Variants in KCNH3 observed in about 807,000 individuals in gnomAD.
KCNH3 encodes the protein potassium voltage-gated channel subfamily H member 3, also known as voltage-gated inwardly rectifying potassium channel KCNH3.
Under a neutral mutation model 95.6 loss-of-function variants are expected in KCNH3, and 36 were observed. The ratio of observed to expected loss-of-function variants is 0.38; its 90% CI spans 0.29 to 0.50. The LOEUF (loss-of-function observed/expected upper bound fraction) is 0.50, where lower values mean the gene tolerates loss of function less well. KCNH3 is among the 20% of genes least tolerant of loss of function. The pLI is 0.95. For missense variants in KCNH3, 1,030 were observed against 1,484.1 expected (o/e 0.69, Z 5.03); for synonymous variants, 620 against 646.3 (o/e 0.96, Z 0.62).
rs189953204 is a variant in KCNH3 at position 49,544,922 on chromosome 12, T to A, written c.1189+540T>A. On this transcript the variant is annotated intron_variant, in intron 7 of 14. Coordinates refer to ENST00000257981, the MANE Select transcript of KCNH3 (RefSeq NM_012284.3). The stretch of plus-strand genomic sequence containing the variant: ...CTTCACTCTCCTTCATGTCACCTCC[T>A]CTCCTTCCACAGCTCCTCTCTGCTC... 1.4e-3 allele frequency among the ~76,000 whole-genome samples: 218 copies of A among 152,110 alleles called. 1 individual carries two copies. Among genetic ancestry groups the A allele is most frequent in the Non-Finnish European group, 2.6e-3 (178 of 67,974 alleles).
intron 3 of KCNH3, among the ~76,000 whole-genome samples, chr12:49,542,080 G>A (rs1565773876): frequency 6.6e-6 from 1 of 152,222 alleles, no homozygotes; most frequent in African/African-American, 2.4e-5. Context: ...GACCCACCAG[G>A]TTCCTCTTTC....
chr12:49,557,158 G>C (rs1337639838), intron 13 of KCNH3, 25 bp from the exon 14 acceptor site: 1 of 1,613,394 alleles, frequency 6.2e-7, no homozygotes, highest in Non-Finnish European at 8.5e-7. Flanking sequence ...AGCCCCAGCT[G>C]ATAACCCCAT....
intron 7 of KCNH3, among the ~76,000 whole-genome samples, chr12:49,544,958 C>G (rs1167294836): frequency 6.6e-6 from 1 of 152,190 alleles, no homozygotes; most frequent in African/African-American, 2.4e-5. Flanking sequence ...ACCACCCACT[C>G]ACATCTTAAC....
chr12:49,539,444 C>T lies in KCNH3; in HGVS notation c.28C>T (p.Pro10Ser), dbSNP rs902832863. 1 of 1,572,344 alleles carries T rather than the reference C, an allele frequency of 6.4e-7. No homozygotes were observed. The highest frequency in any genetic ancestry group is 2.6e-5 in the East Asian group (1 of 38,950). The change falls in exon 1 of 15, where the codon CCG (proline) becomes TCG (serine). Residue 10 changes from proline to serine, a missense_variant. Around this residue, in one of 9 missense-constraint regions of KCNH3, gnomAD observed 26 missense variants for 35.1 expected, o/e 0.74. Coordinates refer to ENST00000257981, the MANE Select transcript of KCNH3 (RefSeq NM_012284.3). This position sits in a 1 kb window ranked among gnomAD's most constrained non-coding sequence, Gnocchi z 6.7. MPAMRGLLA[P>S]QNTFLDTIAT... Reference sequence around the variant, plus strand: ...GCCGGCCATGCGGGGCCTCCTGGCGCCGCAGAACACCTTCCTGGACACCAT... The same window carrying T: ...GCCGGCCATGCGGGGCCTCCTGGCGTCGCAGAACACCTTCCTGGACACCAT...
chr12:49,555,918 T>C lies in KCNH3; in HGVS notation c.2435T>C (p.Met812Thr). The C allele has an allele frequency of 6.3e-7, 1 of 1,575,398 alleles. No individual in the cohort carries two copies. Among genetic ancestry groups the C allele is most frequent in the African/African-American group, 1.3e-5 (1 of 74,404 alleles). ...CTAGAGGGGCTACGGCTGCCCCCCATGCCATGGAATGTGCCCCCAGATCTG... is the reference window on the plus strand; with the variant it reads ...CTAGAGGGGCTACGGCTGCCCCCCACGCCATGGAATGTGCCCCCAGATCTG... The part of the protein sequence containing the change: ...RALEGLRLPP[M>T]PWNVPPDLSP... The change falls in exon 12 of 15, where the codon ATG becomes ACG. Residue 812 changes from methionine to threonine, a missense_variant. This residue lies in a region of KCNH3 where 464 missense variants were observed against 493.2 expected (regional missense o/e 0.94). Coordinates refer to ENST00000257981, the MANE Select transcript of KCNH3 (RefSeq NM_012284.3).
chr12:49,548,152 A>G (rs1164766669), intron 7 of KCNH3, among the ~76,000 whole-genome samples: 2 of 144,106 alleles, frequency 1.4e-5, no homozygotes, highest in African/African-American at 5.1e-5. Context: ...ACCTGTGTGA[A>G]TGTATTCGCC....
chr12:49,558,334 AAAAC>A, exon 15 of KCNH3: 1 of 405,862 alleles, frequency 2.5e-6, no homozygotes, highest in Non-Finnish European at 4.3e-6. Context: ...TTACAAAAGA[AAAAC>A]AATAAAAGAA....
chr12:49,544,056 C>T lies in KCNH3; in HGVS notation c.965C>T (p.Ala322Val), dbSNP rs749563135. The change falls in exon 6 of 15, where the codon GCC (alanine) becomes GTC (valine). Residue 322 changes from alanine (A) to valine (V), a missense_variant. By Grantham distance (64) the Ala-to-Val change is moderately conservative. Transcript: ENST00000257981. ...IAALPFDLLHAFKVNVYFGAH... is the reference protein window; with the variant it reads ...IAALPFDLLHVFKVNVYFGAH... The stretch of plus-strand genomic sequence containing the variant: ...GCGCTGCCCTTTGACCTGCTACATG[C>T]CTTCAAGGTCAACGTGGTCAGTGTG... The T allele has an allele frequency of 6.2e-7, 1 of 1,611,382 alleles. No individual in the cohort carries two copies. The highest frequency in any genetic ancestry group is 1.7e-5 in the Admixed American group (1 of 59,976).
chr12:49,541,494 T>C, intron 2 of KCNH3, 136 bp from the exon 3 acceptor site: 10 of 1,024,646 alleles, frequency 9.8e-6, no homozygotes, highest in Non-Finnish European at 1.5e-5. Flanking sequence ...TCAGTGAAAC[T>C]GGACTGCCAG....
At chr12:49,545,738 C>T (rs762829127) in intron 7 of KCNH3, among the ~76,000 whole-genome samples, 1 of 152,012 alleles carries the variant, frequency 6.6e-6, no homozygotes, top group African/African-American at 2.4e-5. Context: ...ACCAGGTGTC[C>T]AGATCAGCCT....
intron 7 of KCNH3, among the ~76,000 whole-genome samples, chr12:49,545,541 C>T (rs1188819552): frequency 3.9e-5 from 6 of 151,962 alleles, no homozygotes; most frequent in Non-Finnish European, 7.4e-5. Flanking sequence ...TACAGGCATC[C>T]GCCAGCACGC....
intron 2 of KCNH3, 91 bp from the exon 3 acceptor site, chr12:49,541,539 G>A (rs1461435306): frequency 5.4e-6 from 8 of 1,480,008 alleles, no homozygotes; most frequent in Non-Finnish European, 6.5e-6. Flanking sequence ...TCCTGCCTGT[G>A]TCTTGCCCGG....
intron 7 of KCNH3, among the ~76,000 whole-genome samples, chr12:49,547,012 A>G (rs1209964389): frequency 6.6e-6 from 1 of 152,196 alleles, no homozygotes; most frequent in African/African-American, 2.4e-5. Context: ...CTTCTGCCTC[A>G]GTCTCCCGAG....
chr12:49,542,748 T>C lies in KCNH3; in HGVS notation c.488T>C (p.Phe163Ser). Residue 163 changes from phenylalanine (F) to serine (S), a missense_variant, in exon 4 of 15, where the codon TTC becomes TCC. Coordinates refer to ENST00000257981, the MANE Select transcript of KCNH3 (RefSeq NM_012284.3). ...RRYGRARSKG[F>S]NANRRRSRAV... ...TATGGCCGGGCACGATCCAAAGGCT[T>C]CAATGCCAACCGGCGGCGGAGCCGG... 6.3e-7 allele frequency: 1 copy of C among 1,590,120 alleles called. No homozygotes were observed. Among genetic ancestry groups the C allele is most frequent in the South Asian group, 1.1e-5 (1 of 87,124 alleles).
chr12:49,541,799 G>A, intron 3 of KCNH3, 35 bp downstream of exon 3: 1 of 1,611,356 alleles, frequency 6.2e-7, no homozygotes, highest in Non-Finnish European at 8.5e-7. Context: ...CGGGGTATTG[G>A]GTGCCGCAGG....
Position 49,544,369 on chromosome 12 carries a change from G to A in KCNH3, c.1176G>A (p.Glu392=). The A allele has an allele frequency of 5.6e-6, 9 of 1,613,180 alleles. No homozygotes were observed. The highest frequency in any genetic ancestry group is 7.6e-6 in the Non-Finnish European group (9 of 1,180,020). ...GQREIESSES[E]LPEIGWLQEL... The stretch of plus-strand genomic sequence containing the variant: ...GGGAGATCGAGAGCAGCGAATCCGA[G>A]CTGCCTGAGATTGGTACTGGAGGCT... Residue 392 remains glutamate, a synonymous_variant, in exon 7 of 15, where the codon GAG becomes GAA. Transcript: ENST00000257981.
intron 3 of KCNH3, among the ~76,000 whole-genome samples, chr12:49,542,077 C>A (rs1347036493): frequency 6.6e-6 from 1 of 152,228 alleles, no homozygotes; most frequent in Non-Finnish European, 1.5e-5. Flanking sequence ...ACAGACCCAC[C>A]AGGTTCCTCT....
At chr12:49,541,196 A>G in intron 2 of KCNH3, 64 bp downstream of exon 2, 1 of 1,192,508 alleles carries the variant, frequency 8.4e-7, no homozygotes, top group Non-Finnish European at 1.2e-6. Context: ...CACCAGCCCC[A>G]TCCACTGTCC....
intron 10 of KCNH3, among the ~76,000 whole-genome samples, chr12:49,551,890 G>A (rs989359854): frequency 1.3e-5 from 2 of 152,344 alleles, no homozygotes; most frequent in African/African-American, 2.4e-5. Context: ...ACCAGACGCA[G>A]CTACTGTGTG....
Sources: gnomAD v4.1 joint callset for allele counts (sites outside exome capture counted in the v4.1 genomes callset) on GRCh38, gnomAD v4.1.1 for gene constraint, gnomAD v4.1.1 regional missense constraint, Gnocchi (gnomAD v3.1) non-coding constraint, MANE v1.5 for transcripts, NCBI Gene and HGNC (gene_info 2026-07-23, HGNC 2026-07-21) for gene names.